The following ZC3H18 variants were observed in gnomAD, a reference collection of about 807,000 sequenced individuals.
The protein encoded by ZC3H18 is zinc finger CCCH domain-containing protein 18.
Under a neutral mutation model 106.1 loss-of-function variants are expected in ZC3H18, and 8 were observed. That is an observed-to-expected ratio of 0.08 (90% CI 0.04 to 0.14). ZC3H18 has a LOEUF of 0.14. ZC3H18 is among the 10% of genes least tolerant of loss of function. ZC3H18 has a pLI of 1.00. For synonymous variants in ZC3H18, 635 were observed against 522.1 expected (o/e 1.22, Z -2.95); for missense variants, 1,318 against 1,278.4 (o/e 1.03, Z -0.47).
At chr16:88,608,831 C>A (rs1268519282) in intron 6 of ZC3H18, 103 bp from the exon 7 acceptor site, 1 of 935,674 alleles carries the variant, frequency 1.1e-6, no homozygotes, top group African/African-American at 1.6e-5. Context: ...GAGTAAACCC[C>A]ACTGCGTCAC....
At chr16:88,624,456 G>A in intron 11 of ZC3H18, 146 bp from the exon 12 acceptor site, 1 of 1,280,134 alleles carries the variant, frequency 7.8e-7, no homozygotes, top group Non-Finnish European at 1.1e-6. Flanking sequence ...CGATGGGTGG[G>A]GAGCCGTGTC....
chr16:88,605,700 T>G (rs542990871), intron 6 of ZC3H18, among the ~76,000 whole-genome samples: 2 of 152,372 alleles, frequency 1.3e-5, no homozygotes, highest in South Asian at 2.1e-4. Context: ...CCTAGTACTT[T>G]TTGAGATCCA....
At chr16:88,590,970 A>AGTTTTTTTT (rs1567582746) in intron 3 of ZC3H18, among the ~76,000 whole-genome samples, 1 of 128,806 alleles carries the variant, frequency 7.8e-6, no homozygotes, top group Non-Finnish European at 1.6e-5. Flanking sequence ...GTGGTGGAAT[A>AGTTTTTTTT]CTTTTTTTTT....
Position 88,631,393 on chromosome 16 carries a change from C to CT in ZC3H18, c.*99dup. Reference sequence around the variant, plus strand: ...TTAATGTCTTATTTTGGCTGTGATTCTTTTTAAAAAGTAAAAAAGAAAAAA... The same window carrying CT: ...TTAATGTCTTATTTTGGCTGTGATTCTTTTTTAAAAAGTAAAAAAGAAAAAA... On this transcript the variant is annotated 3_prime_UTR_variant, in exon 18 of 18. Coordinates refer to ENST00000301011, the MANE Select transcript of ZC3H18 (RefSeq NM_144604.4). 1 of 1,459,206 alleles carries CT rather than the reference C, an allele frequency of 6.9e-7. No homozygotes were observed. The highest frequency in any genetic ancestry group is 9.2e-7 in the Non-Finnish European group (1 of 1,088,028). 90.4% of individuals were successfully genotyped at this position (1,459,206 alleles called of 1,614,324 possible).
At chr16:88,575,362 C>T (rs1914680829) in intron 1 of ZC3H18, among the ~76,000 whole-genome samples, 1 of 151,974 alleles carries the variant, frequency 6.6e-6, no homozygotes, top group African/African-American at 2.4e-5. Flanking sequence ...GATGAATAAT[C>T]TGTTTCCAGA....
At chr16:88,630,681 C>A in intron 17 of ZC3H18, 100 bp downstream of exon 17, 1 of 969,024 alleles carries the variant, frequency 1.0e-6, no homozygotes. Context: ...CTGGGCCAGG[C>A]TGGAGGCGTC....
At chr16:88,587,932 C>T (rs904504509) in intron 3 of ZC3H18, among the ~76,000 whole-genome samples, 30 of 152,258 alleles carry the variant, frequency 2.0e-4, no homozygotes, top group African/African-American at 7.0e-4. Context: ...GGGTTAGGCT[C>T]GCTCCTGTGG....
In ZC3H18 at chr16:88,574,689, T is replaced by C. The variant is rs976418310; in HGVS notation, c.-14-2421T>C. 1.7e-4 allele frequency among the ~76,000 whole-genome samples: 25 copies of C among 146,504 alleles called. No homozygotes were observed. The South Asian group carries it at 5.2e-3, about 31-fold the overall frequency. On this transcript the variant is annotated intron_variant, in intron 1 of 17. Coordinates refer to ENST00000301011, the MANE Select transcript of ZC3H18 (RefSeq NM_144604.4). ...CTAATTTTTTTTTTTTTTTTTTTTT[T>C]TTTTGGTAGAGATGGGGTTTTGCTA...
Position 88,622,241 on chromosome 16 carries a change from C to G in ZC3H18, c.1520C>G (p.Pro507Arg). ...AAGAAGGAGGCTGCCACCACGGGGC[C>G]GCAGGTGAAGAGAGCAGATGAGTGG... ...PPKKEAATTG[P>R]QVKRADEWKD... The change falls in exon 9 of 18, where the codon CCG (proline) becomes CGG (arginine). Residue 507 changes from proline to arginine, a missense_variant. Transcript: ENST00000301011. 1 of 1,613,172 alleles carries G rather than the reference C, an allele frequency of 6.2e-7. No individual in the cohort carries two copies. The highest frequency in any genetic ancestry group is 8.5e-7 in the Non-Finnish European group (1 of 1,179,416).
At chr16:88,573,251 G>C (rs62050269) in intron 1 of ZC3H18, among the ~76,000 whole-genome samples, 32,134 of 152,018 alleles carry the variant, frequency 0.21, 4,399 homozygotes, top group Non-Finnish European at 0.29. Context: ...GGCAGCTGGG[G>C]AGATGTGAAC....
chr16:88,586,820 G>A (rs1352177674), intron 3 of ZC3H18, 136 bp downstream of exon 3: 3 of 643,732 alleles, frequency 4.7e-6, no homozygotes, highest in Non-Finnish European at 8.4e-6. Flanking sequence ...TGGTGGTGGT[G>A]GTGGTGGTGG....
At chr16:88,614,301 G>A (rs956501606) in intron 8 of ZC3H18, among the ~76,000 whole-genome samples, 3 of 152,232 alleles carry the variant, frequency 2.0e-5, no homozygotes, top group East Asian at 1.9e-4. Context: ...CAGGACCTGC[G>A]ACTGTGGCTC....
At position 88,572,532 on chromosome 16, in the gene ZC3H18, C is replaced by CACTT. The variant is rs1243153693; in HGVS notation, c.-15+1967_-15+1970dup. Among the ~76,000 whole-genome samples, 10 of 152,162 alleles carry CACTT rather than the reference C, an allele frequency of 6.6e-5. No individual in the cohort carries two copies. The East Asian group carries it at 1.7e-3, about 26-fold the overall frequency. ...AAAGCAACGGAGACGGGACGATGGGCACTTGTTATTTCATTCCTTAGGCAA... is the reference window on the plus strand; with the variant it reads ...AAAGCAACGGAGACGGGACGATGGGCACTTACTTGTTATTTCATTCCTTAGGCAA... On this transcript the variant is annotated intron_variant, in intron 1 of 17. Transcript: ENST00000301011.
At chr16:88,574,459 T>C (rs758863745) in intron 1 of ZC3H18, among the ~76,000 whole-genome samples, 1 of 151,858 alleles carries the variant, frequency 6.6e-6, no homozygotes, top group African/African-American at 2.4e-5. Context: ...TCCACCTGCC[T>C]TGGCCTCCCA....
chr16:88,611,463 C>T lies in ZC3H18; in HGVS notation c.1402C>T (p.Arg468Cys), dbSNP rs1361139831. 7 of 1,543,014 alleles carry T rather than the reference C, an allele frequency of 4.5e-6. No individual in the cohort carries two copies. The highest frequency in any genetic ancestry group is 3.6e-5 in the South Asian group (3 of 83,876). The change falls in exon 8 of 18, where the codon CGT becomes TGT. Residue 468 changes from arginine (R) to cysteine (C), a missense_variant. Around this residue, in one of 6 missense-constraint regions of ZC3H18, gnomAD observed 848 missense variants for 821.7 expected, o/e 1.03. Coordinates refer to ENST00000301011, the MANE Select transcript of ZC3H18 (RefSeq NM_144604.4). ...GCGGGACGAGAAGGACCGGCAGCACCGTGACCGCGACCGGGAGAAGGAGCG... is the reference window on the plus strand; with the variant it reads ...GCGGGACGAGAAGGACCGGCAGCACTGTGACCGCGACCGGGAGAAGGAGCG... ...AKRDEKDRQH[R>C]DRDREKEREK...
intron 3 of ZC3H18, among the ~76,000 whole-genome samples, chr16:88,592,420 CT>C (rs1256965196): frequency 6.6e-6 from 1 of 152,080 alleles, no homozygotes; most frequent in African/African-American, 2.4e-5. Flanking sequence ...CCTTGAGACC[CT>C]TTCAGGGGAC....
At chr16:88,625,356 C>T in intron 13 of ZC3H18, 89 bp downstream of exon 13, 2 of 1,507,976 alleles carry the variant, frequency 1.3e-6, no homozygotes, top group Non-Finnish European at 1.8e-6. Flanking sequence ...GGGCTGTCTC[C>T]CACAGGTGGG....
intron 1 of ZC3H18, among the ~76,000 whole-genome samples, chr16:88,575,647 T>G (rs1914702078): frequency 6.6e-6 from 1 of 152,098 alleles, no homozygotes; most frequent in South Asian, 2.1e-4. Context: ...TCGAAAATAT[T>G]AACTTTATAA....
intron 8 of ZC3H18, among the ~76,000 whole-genome samples, chr16:88,621,565 C>T (rs1220589031): frequency 6.6e-6 from 1 of 152,084 alleles, no homozygotes; most frequent in Non-Finnish European, 1.5e-5. Flanking sequence ...ACCATGTTGG[C>T]CAGGCTGGTC....
Sources: gnomAD v4.1 joint callset for allele counts (sites outside exome capture counted in the v4.1 genomes callset) on GRCh38, gnomAD v4.1.1 for gene constraint, gnomAD v4.1.1 regional missense constraint, MANE v1.5 for transcripts, NCBI Gene and HGNC (gene_info 2026-07-23, HGNC 2026-07-21) for gene names.